SKAP1: variants seen among roughly 807,000 people sequenced by gnomAD.
The protein encoded by SKAP1 is src kinase associated phosphoprotein 1, also known as src kinase-associated phosphoprotein 1.
In SKAP1, 44 loss-of-function variants were observed where a neutral mutation model predicts 58.5. The ratio of observed to expected loss-of-function variants is 0.75; its 90% confidence interval spans 0.59 to 0.97. SKAP1 has a LOEUF of 0.97. Among genes scored for constraint, SKAP1 ranks in the 50% least tolerant of loss-of-function variants. SKAP1 has a pLI of 0.00. For synonymous variants in SKAP1, 127 were observed against 149.7 expected, an observed-to-expected ratio of 0.85 and a Z score of 1.11; for missense variants, 390 against 435.2, an observed-to-expected ratio of 0.90 and a Z score of 0.92.
At chr17:48,181,487 T>A (rs2064368733) in intron 8 of SKAP1, among the ~76,000 whole-genome samples, 1 of 152,238 alleles carries the variant, frequency 6.6e-6, no homozygotes. Context: ...ATGCAATAGT[T>A]TGCTTTTGTG....
chr17:48,169,264 G>T (rs182561651), intron 10 of SKAP1, among the ~76,000 whole-genome samples: 3 of 152,296 alleles, frequency 2.0e-5, no homozygotes, highest in Admixed American at 2.0e-4. Context: ...TTTGCTAAAA[G>T]ATCAATGCTT....
intron 2 of SKAP1, among the ~76,000 whole-genome samples, chr17:48,378,958 C>T (rs1460244530): frequency 6.6e-6 from 1 of 152,006 alleles, no homozygotes. Context: ...CACTTCCAGG[C>T]AATGCTATGA....
chr17:48,444,853 C>T, the SKAP1 span, among the ~76,000 whole-genome samples: 1 of 152,148 alleles, frequency 6.6e-6, no homozygotes, highest in African/African-American at 2.4e-5. Flanking sequence ...AAGATGACTC[C>T]TGGGACCCAT....
At chr17:48,256,732 G>A (rs1207051552) in intron 4 of SKAP1, among the ~76,000 whole-genome samples, 1 of 152,090 alleles carries the variant, frequency 6.6e-6, no homozygotes, top group Non-Finnish European at 1.5e-5. Flanking sequence ...GTAAAAATGG[G>A]ACAGGAGGCT....
chr17:48,435,945 A>G, the SKAP1 span, among the ~76,000 whole-genome samples: 1 of 152,272 alleles, frequency 6.6e-6, no homozygotes, highest in South Asian at 2.1e-4. Context: ...ATAGCTGATT[A>G]TTTCGATGTA....
At chr17:48,423,015 C>T (rs142739707) in intron 1 of SKAP1, among the ~76,000 whole-genome samples, 1 of 152,248 alleles carries the variant, frequency 6.6e-6, no homozygotes, top group Non-Finnish European at 1.5e-5. Context: ...GGAGCAGAAG[C>T]ATAATAGAAG....
chr17:48,436,998 T>G, the SKAP1 span, among the ~76,000 whole-genome samples: 1 of 152,236 alleles, frequency 6.6e-6, no homozygotes, highest in African/African-American at 2.4e-5. Flanking sequence ...TTGGTTCTCT[T>G]CATTTCACCT....
chr17:48,156,877 G>A (rs2063984801), intron 11 of SKAP1, among the ~76,000 whole-genome samples: 1 of 152,148 alleles, frequency 6.6e-6, no homozygotes, highest in Non-Finnish European at 1.5e-5. Flanking sequence ...CCTCTTCACT[G>A]GGTATTTTTT....
intron 4 of SKAP1, among the ~76,000 whole-genome samples, chr17:48,295,933 CAT>C (rs1317603996): frequency 4.0e-5 from 6 of 151,780 alleles, no homozygotes; most frequent in Admixed American, 2.0e-4. Flanking sequence ...ATATGCAAAA[CAT>C]ATATGCATAT....
chr17:48,429,673 TG>T (rs1467844337), intron 1 of SKAP1, among the ~76,000 whole-genome samples: 1 of 152,010 alleles, frequency 6.6e-6, no homozygotes, highest in African/African-American at 2.4e-5. Context: ...CAGGAAGGTT[TG>T]GGGTCTTCTG....
intron 3 of SKAP1, among the ~76,000 whole-genome samples, chr17:48,357,978 T>C (rs1356421571): frequency 1.3e-5 from 2 of 152,192 alleles, no homozygotes; most frequent in South Asian, 2.1e-4. Flanking sequence ...TCAGCCTGGG[T>C]TCATTTCCCC....
At chr17:48,279,190 C>T (rs1345846018) in intron 4 of SKAP1, among the ~76,000 whole-genome samples, 1 of 152,002 alleles carries the variant, frequency 6.6e-6, no homozygotes, top group African/African-American at 2.4e-5. Flanking sequence ...TAGATGGCAG[C>T]TAAGCCAAAG....
intron 3 of SKAP1, among the ~76,000 whole-genome samples, chr17:48,349,825 G>A (rs2066774434): frequency 6.6e-6 from 1 of 152,186 alleles, no homozygotes; most frequent in Admixed American, 6.5e-5. Flanking sequence ...CAGGTGTAAG[G>A]TAATTATTTC....
At chr17:48,305,483 C>T (rs1401258421) in intron 4 of SKAP1, among the ~76,000 whole-genome samples, 1 of 152,220 alleles carries the variant, frequency 6.6e-6, no homozygotes, top group African/African-American at 2.4e-5. Context: ...AAAGTACTTA[C>T]TATCTGGCCC....
At chr17:48,410,724 T>C (rs998184695) in intron 1 of SKAP1, among the ~76,000 whole-genome samples, 1 of 151,924 alleles carries the variant, frequency 6.6e-6, no homozygotes, top group African/African-American at 2.4e-5. Flanking sequence ...GTGAGGAGTT[T>C]GAAACCAGCT....
chr17:48,189,778 C>G (rs1454789728), intron 4 of SKAP1, among the ~76,000 whole-genome samples: 1 of 151,790 alleles, frequency 6.6e-6, no homozygotes, highest in Non-Finnish European at 1.5e-5. Flanking sequence ...AGGTTCGAGC[C>G]ATTCTCCTGT....
intron 11 of SKAP1, among the ~76,000 whole-genome samples, chr17:48,157,926 C>G (rs1300420165): frequency 1.3e-4 from 19 of 150,936 alleles, no homozygotes; most frequent in African/African-American, 4.6e-4. Flanking sequence ...ACCTGTAATC[C>G]CAACACTTTA....
At position 48,396,762 on chromosome 17, in the gene SKAP1, C is replaced by G; in HGVS notation, c.70G>C (p.Gly24Arg). Residue 24 changes from glycine to arginine, a missense_variant, in exon 2 of 13, where the codon GGT becomes CGT. By Grantham distance (125) the Gly-to-Arg change is moderately radical (BLOSUM62 -2). Transcript: ENST00000336915. The stretch of plus-strand genomic sequence containing the variant: ...GCGCTGAGGTTCTCATTCCGCAAAC[C>G]TTCTGCCAGAAACTCTTCAGCATCT... ...LEDAEEFLAE[G>R]LRNENLSAVA... 6.2e-7 allele frequency: 1 copy of G among 1,613,360 alleles called. No homozygotes were observed.
At chr17:48,325,485 T>A (rs987413526) in intron 4 of SKAP1, among the ~76,000 whole-genome samples, 3 of 152,172 alleles carry the variant, frequency 2.0e-5, no homozygotes, top group Non-Finnish European at 4.4e-5. Context: ...GGTCATGTTT[T>A]ATTCACTGCT....
Sources: allele counts gnomAD v4.1 joint callset (sites outside exome capture counted in the v4.1 genomes callset), GRCh38; gene constraint gnomAD v4.1.1; transcripts MANE v1.5; gene names NCBI Gene and HGNC (gene_info 2026-07-23, HGNC 2026-07-21).